MXD1: variants seen among roughly 807,000 people sequenced by gnomAD.
MXD1 encodes MAX dimerization protein 1.
In MXD1, 9 loss-of-function variants were observed where a neutral mutation model predicts 25.7. That is an observed-to-expected ratio of 0.35 (90% CI 0.21 to 0.61). The LOEUF is 0.61. Among genes scored for constraint, MXD1 ranks in the 20% least tolerant of loss-of-function variants. MXD1 has a pLI of 0.75. For missense variants in MXD1, 227 were observed against 292.4 expected, an observed-to-expected ratio of 0.78 and a Z score of 1.63; for synonymous variants, 99 against 113.9, an observed-to-expected ratio of 0.87 and a Z score of 0.83.
intron 2 of MXD1, 78 bp downstream of exon 2, chr2:69,916,298 T>A (rs1676961915): frequency 1.2e-6 from 1 of 866,286 alleles, no homozygotes; most frequent in Non-Finnish European, 1.9e-6. Flanking sequence ...AGTTTTCTGT[T>A]GTGATTATAA....
chr2:69,932,830 A>G (rs552879773), intron 3 of MXD1, among the ~76,000 whole-genome samples: 28 of 152,332 alleles, frequency 1.8e-4, no homozygotes, highest in African/African-American at 6.7e-4. Flanking sequence ...TACTAAAATG[A>G]CACTGTTCTG....
At chr2:69,930,404 G>A (rs1420900853) in intron 3 of MXD1, among the ~76,000 whole-genome samples, 3 of 152,172 alleles carry the variant, frequency 2.0e-5, no homozygotes, top group African/African-American at 4.8e-5. Context: ...CCTGCAGCAA[G>A]CAGAAGTGAG....
At chr2:69,921,436 G>A (rs781175303) in intron 2 of MXD1, among the ~76,000 whole-genome samples, 1 of 152,094 alleles carries the variant, frequency 6.6e-6, no homozygotes, top group Non-Finnish European at 1.5e-5. Flanking sequence ...ACATTGCATC[G>A]TGCAGCTGTT....
intron 1 of MXD1, 64 bp from the exon 2 acceptor site, chr2:69,916,057 G>A (rs2104153810): frequency 2.3e-6 from 2 of 856,982 alleles, no homozygotes; most frequent in Non-Finnish European, 4.0e-6. Flanking sequence ...AGGAAATACT[G>A]TAGAGAGGAG....
At chr2:69,924,039 C>G (rs773265486) in intron 3 of MXD1, among the ~76,000 whole-genome samples, 1 of 152,200 alleles carries the variant, frequency 6.6e-6, no homozygotes, top group Non-Finnish European at 1.5e-5. Context: ...ATTATAGCAC[C>G]TCAGGGATGT....
At chr2:69,937,981 A>C (rs886447191) in intron 5 of MXD1, 116 bp from the exon 6 acceptor site, 3 of 927,116 alleles carry the variant, frequency 3.2e-6, no homozygotes, top group Non-Finnish European at 4.9e-6. Context: ...TCCTAACCTC[A>C]AGTGATCCAC....
intron 3 of MXD1, among the ~76,000 whole-genome samples, chr2:69,922,638 G>A (rs1270469676): frequency 1.3e-5 from 2 of 152,094 alleles, no homozygotes; most frequent in Admixed American, 6.5e-5. Context: ...CCAGCACTTT[G>A]GGAGGCCAAA....
chr2:69,930,217 G>A (rs1677253576), intron 3 of MXD1, among the ~76,000 whole-genome samples: 1 of 152,130 alleles, frequency 6.6e-6, no homozygotes, highest in Non-Finnish European at 1.5e-5. Context: ...TTCCCAACCT[G>A]TTTTAAATTT....
intron 3 of MXD1, among the ~76,000 whole-genome samples, chr2:69,923,040 C>CAAAAAAAAA (rs149259918): frequency 7.7e-6 from 1 of 129,950 alleles, no homozygotes. Context: ...TAGTAAACAC[C>CAAAAAAAAA]AAAAAAAAAA....
intron 3 of MXD1, among the ~76,000 whole-genome samples, chr2:69,924,863 A>G (rs921454844): frequency 6.6e-6 from 1 of 152,204 alleles, no homozygotes; most frequent in African/African-American, 2.4e-5. Flanking sequence ...GTTTTCTTGA[A>G]TGGAAACCTT....
intron 3 of MXD1, 81 bp downstream of exon 3, chr2:69,921,846 T>G: frequency 2.1e-6 from 3 of 1,432,740 alleles, no homozygotes. Context: ...GGTTGCTCTT[T>G]TTGACTCTTC....
intron 3 of MXD1, among the ~76,000 whole-genome samples, chr2:69,931,902 G>A (rs750088865): frequency 1.3e-5 from 2 of 152,034 alleles, no homozygotes; most frequent in Non-Finnish European, 2.9e-5. Flanking sequence ...AAAGGAAGAG[G>A]CAGCCGGGTG....
chr2:69,929,999 ATTC>A (rs1677247814), intron 3 of MXD1, among the ~76,000 whole-genome samples: 2 of 152,224 alleles, frequency 1.3e-5, no homozygotes, highest in South Asian at 2.1e-4. Flanking sequence ...ACACACATCT[ATTC>A]TTCTAGATGA....
chr2:69,923,548 G>A (rs769446210), intron 3 of MXD1, among the ~76,000 whole-genome samples: 4 of 151,484 alleles, frequency 2.6e-5, no homozygotes, highest in Non-Finnish European at 4.4e-5. Flanking sequence ...AATCTGGGAA[G>A]AGGGCGGTTA....
rs573473692 is a variant in MXD1, at chr2:69,940,444, A to G, written c.*2160A>G. ...CAGCATCAAAAGCTCAAGACTTTGG[A>G]AAAAGCTTGTGGGCTTGCACTGGGG... On this transcript the variant is annotated 3_prime_UTR_variant, in exon 6 of 6. Coordinates refer to ENST00000264444, the MANE Select transcript of MXD1 (RefSeq NM_002357.4). 1 of 152,756 alleles carries G rather than the reference A, an allele frequency of 6.5e-6. No individual in the cohort carries two copies. Among genetic ancestry groups the G allele is most frequent in the South Asian group, 2.1e-4 (1 of 4,828 alleles). 9.5% of individuals were successfully genotyped at this position (152,756 alleles called of 1,614,324 possible). A position where few individuals can be genotyped will look rare whatever the true frequency, so the allele number is the denominator to read the frequency against.
At chr2:69,927,016 T>C (rs1677183887) in intron 3 of MXD1, among the ~76,000 whole-genome samples, 1 of 152,246 alleles carries the variant, frequency 6.6e-6, no homozygotes, top group Admixed American at 6.5e-5. Flanking sequence ...TCTGACCCTG[T>C]GACAGAAGAT....
intron 4 of MXD1, 49 bp from the exon 5 acceptor site, chr2:69,937,186 A>G (rs370529308): frequency 9.9e-6 from 16 of 1,609,246 alleles, no homozygotes; most frequent in African/African-American, 8.0e-5. Context: ...GCCATTGCCC[A>G]TTTAGAGATC....
At chr2:69,934,428 G>A (rs1188903272) in intron 3 of MXD1, among the ~76,000 whole-genome samples, 1 of 152,170 alleles carries the variant, frequency 6.6e-6, no homozygotes, top group Non-Finnish European at 1.5e-5. Flanking sequence ...TCTTCAGTCA[G>A]TTGCCGTGGC....
rs768109932 is a variant in MXD1, at chr2:69,940,519, G to A, written c.*2235G>A. 4 of 152,578 alleles carry A rather than the reference G, an allele frequency of 2.6e-5. No homozygotes were observed. Among genetic ancestry groups the A allele is most frequent in the Non-Finnish European group, 5.9e-5 (4 of 68,024 alleles). The allele number at this position is 152,578 out of a possible 1,614,324, so 9.5% of individuals were successfully genotyped here. A position where few individuals can be genotyped will look rare whatever the true frequency, so the allele number is the denominator to read the frequency against. On this transcript the variant is annotated 3_prime_UTR_variant, in exon 6 of 6. Coordinates refer to ENST00000264444, the MANE Select transcript of MXD1 (RefSeq NM_002357.4). ...ACTTCTTTGTTTAATTTAGAAATAAGGCATCCAAGAGATGCCATTATTTTC... is the reference window on the plus strand; with the variant it reads ...ACTTCTTTGTTTAATTTAGAAATAAAGCATCCAAGAGATGCCATTATTTTC...
Sources: gnomAD v4.1 joint callset for allele counts (sites outside exome capture counted in the v4.1 genomes callset) on GRCh38, gnomAD v4.1.1 for gene constraint, MANE v1.5 for transcripts, NCBI Gene and HGNC (gene_info 2026-07-23, HGNC 2026-07-21) for gene names.